Variants in LCMT1 observed in about 807,000 individuals in gnomAD.
The protein encoded by LCMT1 is [Phosphatase 2A protein]-leucine-carboxy methyltransferase 1.
LCMT1 carries 32 observed loss-of-function variants against 47.7 expected under a neutral mutation model. That is an observed-to-expected ratio of 0.67 (90% CI 0.51 to 0.90). The LOEUF is 0.90. Among genes scored for constraint, LCMT1 ranks in the 40% least tolerant of loss-of-function variants. The pLI is 0.00. For missense variants in LCMT1, 375 were observed against 415.2 expected (o/e 0.90, Z 0.84); for synonymous variants, 152 against 149.7 (o/e 1.02, Z -0.11).
Position 25,150,762 on chromosome 16 carries a change from G to C in LCMT1, c.405-792G>C, listed in dbSNP as rs530697125. On this transcript the variant is annotated intron_variant, in intron 4 of 10. Transcript: ENST00000399069. ...TGAGTAAACATTAAGTGTTTCAGCTGTCCTTTAGAAAAGTCTGATCCTTAT... is the reference window on the plus strand; with the variant it reads ...TGAGTAAACATTAAGTGTTTCAGCTCTCCTTTAGAAAAGTCTGATCCTTAT... 1.4e-4 allele frequency among the ~76,000 whole-genome samples: 21 copies of C among 152,042 alleles called. No individual in the cohort carries two copies. In the South Asian group the frequency reaches 3.9e-3, roughly 29 times the overall value.
chr16:25,111,756 C>G lies in LCMT1; in HGVS notation c.-128C>G, dbSNP rs1959612044. The G allele has an allele frequency of 6.2e-6, 4 of 643,158 alleles. No individual in the cohort carries two copies. In the Admixed American group the frequency reaches 1.1e-4, roughly 17 times the overall value. 39.8% of individuals were successfully genotyped at this position (643,158 alleles called of 1,614,324 possible). A position where few individuals can be genotyped will look rare whatever the true frequency, so the allele number is the denominator to read the frequency against. On this transcript the variant is annotated 5_prime_UTR_variant, in exon 1 of 11. Coordinates refer to ENST00000399069, the MANE Select transcript of LCMT1 (RefSeq NM_016309.3). ...GCGTGGGCGGCGTCACTGAGCCGCG[C>G]CAGCTGAGCCAGGTAGGGCCCTACC...
rs891427537 is a variant in LCMT1 at position 25,164,502 on chromosome 16, C to T, written c.570-96C>T. On this transcript the variant is annotated intron_variant, in intron 6 of 10. Transcript: ENST00000399069. ...CTCAGGCCTTCTGAGTTCCCTGGGG[C>T]ATGGACCGCCCCACCAATACTGCAA... The T allele has an allele frequency of 2.7e-6, 4 of 1,492,256 alleles. No individual in the cohort carries two copies. The South Asian group carries it at 3.6e-5, about 13-fold the overall frequency. 92.4% of individuals were successfully genotyped at this position (1,492,256 alleles called of 1,614,324 possible).
At chr16:25,141,847 C>G (rs1960703849) in intron 4 of LCMT1, 1 of 152,226 alleles carries the variant, frequency 6.6e-6, no homozygotes, top group African/African-American at 2.4e-5. Context: ...TCTGCCTGTA[C>G]TAGTTGCCAG....
At chr16:25,119,700 C>T (rs1169925721) in intron 1 of LCMT1, among the ~76,000 whole-genome samples, 1 of 152,080 alleles carries the variant, frequency 6.6e-6, no homozygotes, top group African/African-American at 2.4e-5. Flanking sequence ...CACGGCTTAG[C>T]CCAGGGCCTT....
At chr16:25,145,312 A>G (rs1471925606) in intron 4 of LCMT1, 1 of 152,214 alleles carries the variant, frequency 6.6e-6, no homozygotes, top group Non-Finnish European at 1.5e-5. Flanking sequence ...TTGGCTGACA[A>G]TGAACAAGTC....
At chr16:25,138,070 C>T (rs1960556661) in intron 3 of LCMT1, among the ~76,000 whole-genome samples, 1 of 152,208 alleles carries the variant, frequency 6.6e-6, no homozygotes, top group Non-Finnish European at 1.5e-5. Flanking sequence ...TCCTTTTCCT[C>T]CATCCCATCC....
intron 3 of LCMT1, among the ~76,000 whole-genome samples, chr16:25,135,054 TG>T (rs1481715256): frequency 6.6e-6 from 1 of 152,168 alleles, no homozygotes; most frequent in Non-Finnish European, 1.5e-5. Context: ...TCACGCAATT[TG>T]TTTTTTTTCT....
At chr16:25,139,575 G>C (rs753596879) in intron 3 of LCMT1, among the ~76,000 whole-genome samples, 13 of 152,094 alleles carry the variant, frequency 8.5e-5, no homozygotes, top group Non-Finnish European at 1.6e-4. Context: ...TGATGCTTTT[G>C]ATACTGGCTG....
chr16:25,177,962 C>G, intron 10 of LCMT1, 39 bp from the exon 11 acceptor site: 2 of 1,608,950 alleles, frequency 1.2e-6, no homozygotes. Context: ...TCCTGGCCAC[C>G]AGAGTCTCCT....
At chr16:25,148,346 C>G (rs372506672) in intron 4 of LCMT1, 1 of 152,212 alleles carries the variant, frequency 6.6e-6, no homozygotes, top group African/African-American at 2.4e-5. Context: ...CCCCATGTGC[C>G]GTCAATTCTC....
intron 1 of LCMT1, among the ~76,000 whole-genome samples, chr16:25,113,879 G>A (rs143391008): frequency 0.012 from 1,822 of 152,272 alleles, 33 homozygotes; most frequent in African/African-American, 0.042. Flanking sequence ...CAAGTGATCC[G>A]CTCGCCTTGG....
intron 1 of LCMT1, among the ~76,000 whole-genome samples, chr16:25,121,633 G>C (rs549013368): frequency 1.3e-5 from 2 of 152,088 alleles, no homozygotes; most frequent in Non-Finnish European, 2.9e-5. Context: ...TAGTCATGGC[G>C]GAAGGCAAAG....
intron 10 of LCMT1, among the ~76,000 whole-genome samples, chr16:25,177,021 A>T (rs1360396628): frequency 6.6e-6 from 1 of 151,908 alleles, no homozygotes; most frequent in Non-Finnish European, 1.5e-5. Context: ...CTCTACTAAA[A>T]ATACAAAATT....
intron 1 of LCMT1, among the ~76,000 whole-genome samples, chr16:25,122,279 C>T (rs1960013831): frequency 7.5e-6 from 1 of 133,120 alleles, no homozygotes; most frequent in Admixed American, 8.1e-5. Flanking sequence ...ACTGATATTT[C>T]TTATGTGAAT....
At chr16:25,153,708 T>C (rs1389911128) in intron 5 of LCMT1, among the ~76,000 whole-genome samples, 1 of 152,072 alleles carries the variant, frequency 6.6e-6, no homozygotes, top group African/African-American at 2.4e-5. Context: ...ATCCCAGCAT[T>C]TTGGGAGGCC....
chr16:25,170,353 TC>T lies in LCMT1; in HGVS notation c.793-355del, dbSNP rs139091567. ...CTCTTTGGAAGTACTTTAGTGAACT[TC>T]CCCCCATTATAACAATGCTTGTTCA... is the stretch of plus-strand genomic sequence containing the variant. On this transcript the variant is annotated intron_variant, in intron 8 of 10. Coordinates refer to ENST00000399069, the MANE Select transcript of LCMT1 (RefSeq NM_016309.3). Among the ~76,000 whole-genome samples the T allele has an allele frequency of 1.3e-4, 20 of 152,260 alleles. No homozygotes were observed. In the East Asian group the frequency reaches 2.7e-3, roughly 21 times the overall value.
At chr16:25,160,766 A>G (rs1282104087) in intron 5 of LCMT1, 3 of 537,374 alleles carry the variant, frequency 5.6e-6, no homozygotes, top group Non-Finnish European at 1.1e-5. Context: ...GTTACGTAGG[A>G]AAAGCAGTTT....
intron 7 of LCMT1, among the ~76,000 whole-genome samples, chr16:25,168,362 GA>G (rs1961650509): frequency 1.3e-5 from 2 of 152,068 alleles, no homozygotes; most frequent in South Asian, 4.1e-4. Flanking sequence ...GTGAGTTTTT[GA>G]AAAAGCAATA....
chr16:25,148,176 A>C (rs1325247319), intron 4 of LCMT1: 1 of 152,424 alleles, frequency 6.6e-6, no homozygotes, highest in Non-Finnish European at 1.5e-5. Context: ...ACCGAGTGCC[A>C]GCTTGGATGG....
Sources: gnomAD v4.1 joint callset for allele counts (sites outside exome capture counted in the v4.1 genomes callset) on GRCh38, gnomAD v4.1.1 for gene constraint, MANE v1.5 for transcripts, NCBI Gene and HGNC (gene_info 2026-07-23, HGNC 2026-07-21) for gene names.